The following PNP variants were observed in gnomAD, a reference collection of about 807,000 sequenced individuals.
PNP encodes purine nucleoside phosphorylase.
PNP carries 18 observed loss-of-function variants against 26.8 expected under a neutral mutation model. The observed-to-expected ratio is 0.67, with a 90% CI of 0.46 to 1.00. The LOEUF (loss-of-function observed/expected upper bound fraction) is 1.00, where lower values mean the gene tolerates loss of function less well. Among genes scored for constraint, PNP ranks in the 50% least tolerant of loss-of-function variants. PNP has a pLI of 0.00. For missense variants in PNP, 320 were observed against 362.9 expected, an observed-to-expected ratio of 0.88 and a Z score of 0.96; for synonymous variants, 116 against 124.8, an observed-to-expected ratio of 0.93 and a Z score of 0.47.
Position 20,472,367 on chromosome 14 carries a change from G to T in PNP, c.71G>T (p.Arg24Leu), listed in dbSNP as rs950321385. The change falls in exon 2 of 6, where the codon CGA (arginine) becomes CTA (leucine). Residue 24 changes from arginine to leucine, a missense_variant. By Grantham distance (102) the Arg-to-Leu change is moderately radical. Coordinates refer to ENST00000361505, the MANE Select transcript of PNP (RefSeq NM_000270.4). ...AEWLLSHTKH[R>L]PQVAIICGSG... ...TGGCTTCTGTCTCACACTAAGCACC[G>T]ACCTCAAGTTGCAATAATCTGTGGT... is the stretch of plus-strand genomic sequence containing the variant. The T allele has an allele frequency of 1.2e-6, 2 of 1,613,680 alleles. No homozygotes were observed. The highest frequency in any genetic ancestry group is 1.7e-5 in the Admixed American group (1 of 60,018).
Position 20,474,953 on chromosome 14 carries a change from G to C in PNP, c.461+5G>C. 6.2e-7 allele frequency: 1 copy of C among 1,614,122 alleles called. No individual in the cohort carries two copies. Among genetic ancestry groups the C allele is most frequent in the Non-Finnish European group, 8.5e-7 (1 of 1,180,004 alleles). On this transcript the variant is annotated splice_donor_5th_base_variant and intron_variant, in intron 4 of 5. Coordinates refer to ENST00000361505, the MANE Select transcript of PNP (RefSeq NM_000270.4). Reference sequence around the variant, plus strand: ...CAGAGGGCCCAATGATGAAAGGTATGTATGTTACTCCGTTTTTTTTAGGTG... The same window carrying C: ...CAGAGGGCCCAATGATGAAAGGTATCTATGTTACTCCGTTTTTTTTAGGTG...
rs1280917149 is a variant in PNP, at chr14:20,476,631, C to A, written c.*30C>A. The A allele has an allele frequency of 1.9e-6, 3 of 1,573,076 alleles. No individual in the cohort carries two copies. Among genetic ancestry groups the A allele is most frequent in the Admixed American group, 1.7e-5 (1 of 59,904 alleles). Reference sequence around the variant, plus strand: ...CCTTGGAGTCGTCTGGCATCTCCCACACAAGACCCAAGTAGCTGCTACCTT... The same window carrying A: ...CCTTGGAGTCGTCTGGCATCTCCCAAACAAGACCCAAGTAGCTGCTACCTT... On this transcript the variant is annotated 3_prime_UTR_variant, in exon 6 of 6. Coordinates refer to ENST00000361505, the MANE Select transcript of PNP (RefSeq NM_000270.4).
At chr14:20,476,261 T>C in intron 5 of PNP, 123 bp from the exon 6 acceptor site, 1 of 831,150 alleles carries the variant, frequency 1.2e-6, no homozygotes, top group Admixed American at 1.9e-5. Flanking sequence ...TGTGAACCAC[T>C]GCACCCGGCC....
In PNP at chr14:20,476,565, T is replaced by C. The variant is rs1462626535; in HGVS notation, c.834T>C (p.Leu278=). ...AATTGGAACAGTTTGTCTCCATTCTTATGGCCAGCATTCCACTCCCTGACA... is the reference window on the plus strand; with the variant it reads ...AATTGGAACAGTTTGTCTCCATTCTCATGGCCAGCATTCCACTCCCTGACA... ...AQKLEQFVSI[L]MASIPLPDKA... The change falls in exon 6 of 6, where the codon CTT becomes CTC. Residue 278 remains leucine, a synonymous_variant. Coordinates refer to ENST00000361505, the MANE Select transcript of PNP (RefSeq NM_000270.4). The C allele has an allele frequency of 8.7e-6, 14 of 1,614,082 alleles. No individual in the cohort carries two copies. The highest frequency in any genetic ancestry group is 1.3e-5 in the African/African-American group (1 of 74,914).
At chr14:20,474,010 C>G in intron 2 of PNP, 2 of 213,252 alleles carry the variant, frequency 9.4e-6, no homozygotes, top group South Asian at 6.9e-5. Context: ...TCTCATCCCT[C>G]ATCCCCATCC....
chr14:20,474,802 T>G lies in PNP; in HGVS notation c.315T>G (p.Leu105=). The G allele has an allele frequency of 1.2e-6, 2 of 1,614,234 alleles. No homozygotes were observed. Among genetic ancestry groups the G allele is most frequent in the Non-Finnish European group, 1.7e-6 (2 of 1,180,032 alleles). Reference sequence around the variant, plus strand: ...CATTCCCAGTGAGGGTTTTCCACCTTCTGGGTGTGGACACCCTGGTAGTCA... The same window carrying G: ...CATTCCCAGTGAGGGTTTTCCACCTGCTGGGTGTGGACACCCTGGTAGTCA... The part of the protein sequence containing the change: ...KVTFPVRVFH[L]LGVDTLVVTN... Residue 105 remains leucine (L), a synonymous_variant, in exon 4 of 6, where the codon CTT becomes CTG. Transcript: ENST00000361505.
In PNP at chr14:20,472,467, C is replaced by T. The variant is rs1130650; in HGVS notation, c.171C>T (p.Pro57=). ...IFDYGEIPNF[P]RSTVPGHAGR... is the part of the protein sequence containing the mutation. ...ACTACGGTGAAATCCCCAACTTTCC[C>T]CGAAGTACAGGTACTGGCAAGGGAA... The change falls in exon 2 of 6, where the codon CCC becomes CCT. Residue 57 remains proline (P), a synonymous_variant. Transcript: ENST00000361505. The T allele has an allele frequency of 0.19, 298,120 of 1,609,224 alleles. 28,595 individuals are homozygous for T. The highest frequency in any genetic ancestry group is 0.25 in the African/African-American group (18,989 of 74,836).
chr14:20,471,998 G>A (rs1236528246), intron 1 of PNP, among the ~76,000 whole-genome samples: 2 of 152,172 alleles, frequency 1.3e-5, no homozygotes, highest in Admixed American at 1.3e-4. Context: ...TTGTCATAAG[G>A]ATAAGTATGC....
At chr14:20,472,266 G>T in intron 1 of PNP, 42 bp from the exon 2 acceptor site, 1 of 1,570,556 alleles carries the variant, frequency 6.4e-7, no homozygotes, top group Non-Finnish European at 8.8e-7. Context: ...TGATGCCCTT[G>T]GAATGGGAGC....
chr14:20,474,857 T>G lies in PNP; in HGVS notation c.370T>G (p.Phe124Val). 6.2e-7 allele frequency: 1 copy of G among 1,613,936 alleles called. No homozygotes were observed. Among genetic ancestry groups the G allele is most frequent in the Non-Finnish European group, 8.5e-7 (1 of 1,179,890 alleles). Residue 124 changes from phenylalanine to valine, a missense_variant, in exon 4 of 6, where the codon TTT (phenylalanine) becomes GTT (valine). Transcript: ENST00000361505. ...TNAAGGLNPK[F>V]EVGDIMLIRD... ...TGCAGCAGGAGGGCTGAACCCCAAGTTTGAGGTTGGAGATATCATGCTGAT... is the reference window on the plus strand; with the variant it reads ...TGCAGCAGGAGGGCTGAACCCCAAGGTTGAGGTTGGAGATATCATGCTGAT...
chr14:20,474,235 C>T (rs1207802219), intron 2 of PNP: 1 of 479,324 alleles, frequency 2.1e-6, no homozygotes, highest in Admixed American at 3.4e-5. Context: ...TGTGTTCATG[C>T]TGAACATGCT....
chr14:20,469,510 G>A lies in PNP; in HGVS notation c.-15G>A. ...CACACCGGAGCAGGCTCATCGAGAA[G>A]GCGTCTGCGAGACCATGGAGAACGG... is the stretch of plus-strand genomic sequence containing the variant. On this transcript the variant is annotated 5_prime_UTR_variant, in exon 1 of 6. Coordinates refer to ENST00000361505, the MANE Select transcript of PNP (RefSeq NM_000270.4). The A allele has an allele frequency of 6.4e-7, 1 of 1,551,876 alleles. No homozygotes were observed. Among genetic ancestry groups the A allele is most frequent in the Non-Finnish European group, 8.7e-7 (1 of 1,147,962 alleles).
rs1028668713 is a variant in PNP, at chr14:20,476,898, A to C, written c.*297A>C. On this transcript the variant is annotated 3_prime_UTR_variant, in exon 6 of 6. Coordinates refer to ENST00000361505, the MANE Select transcript of PNP (RefSeq NM_000270.4). ...CCCGTGCCCTACCACACATCTGTGG[A>C]GATGCCCAGGATTTGACTCGGGCCT... 2.1e-5 allele frequency: 9 copies of C among 430,594 alleles called. No homozygotes were observed. The highest frequency in any genetic ancestry group is 3.5e-5 in the Non-Finnish European group (8 of 230,490). The allele number at this position is 430,594 out of a possible 1,614,324, so 26.7% of individuals were successfully genotyped here.
At chr14:20,470,156 C>T (rs769878040) in intron 1 of PNP, among the ~76,000 whole-genome samples, 5 of 152,196 alleles carry the variant, frequency 3.3e-5, no homozygotes, top group African/African-American at 9.7e-5. Flanking sequence ...TTTGAAAACT[C>T]TTCTCTCGGC....
intron 2 of PNP, 52 bp downstream of exon 2, chr14:20,472,529 T>A: frequency 6.5e-7 from 1 of 1,549,064 alleles, no homozygotes; most frequent in Non-Finnish European, 8.9e-7. Flanking sequence ...CTTGGAATTC[T>A]GTGGAACACA....
rs754372237 is a variant in PNP at position 20,469,550 on chromosome 14, A to G, written c.11+15A>G. The G allele has an allele frequency of 4.5e-6, 7 of 1,554,684 alleles. No individual in the cohort carries two copies. The East Asian group carries it at 1.7e-4, about 38-fold the overall frequency. On this transcript the variant is annotated intron_variant, in intron 1 of 5. Coordinates refer to ENST00000361505, the MANE Select transcript of PNP (RefSeq NM_000270.4). Reference sequence around the variant, plus strand: ...ATGGAGAACGGGTGAGGAGGGCACCAGGCCCGCAGGACCCTTGGGGAGGGG... The same window carrying G: ...ATGGAGAACGGGTGAGGAGGGCACCGGGCCCGCAGGACCCTTGGGGAGGGG...
At position 20,475,168 on chromosome 14, in the gene PNP, G is replaced by A. The variant is rs759788618; in HGVS notation, c.568G>A (p.Gly190Ser). 10 of 1,614,206 alleles carry A rather than the reference G, an allele frequency of 6.2e-6. No homozygotes were observed. The highest frequency in any genetic ancestry group is 8.5e-6 in the Non-Finnish European group (10 of 1,180,048). The change falls in exon 5 of 6, where the codon GGC (glycine) becomes AGC (serine). Residue 190 changes from glycine (G) to serine (S), a missense_variant. Physicochemically the swap from Gly to Ser is moderately conservative, Grantham distance 56. Transcript: ENST00000361505. ...GGGGGAGCAACGTGAGCTACAGGAA[G>A]GCACCTATGTGATGGTGGCAGGCCC... Reference protein sequence around the residue: ...QMGEQRELQEGTYVMVAGPSF... With the variant: ...QMGEQRELQESTYVMVAGPSF...
At position 20,476,524 on chromosome 14, in the gene PNP, A is replaced by G; in HGVS notation, c.793A>G (p.Lys265Glu). Residue 265 changes from lysine (K) to glutamate (E), a missense_variant, in exon 6 of 6, where the codon AAA (lysine) becomes GAA (glutamate). Lys to Glu is a moderately conservative substitution (Grantham distance 56). Coordinates refer to ENST00000361505, the MANE Select transcript of PNP (RefSeq NM_000270.4). ...ANHEEVLAAG[K>E]QAAQKLEQFV... ...CCATGAAGAAGTCTTAGCAGCTGGC[A>G]AACAAGCTGCACAGAAATTGGAACA... 6.2e-7 allele frequency: 1 copy of G among 1,614,214 alleles called. No homozygotes were observed. The highest frequency in any genetic ancestry group is 1.6e-4 in the Middle Eastern group (1 of 6,062).
chr14:20,469,886 G>A (rs1881950115), intron 1 of PNP: 2 of 480,184 alleles, frequency 4.2e-6, no homozygotes, highest in Admixed American at 3.4e-5. Flanking sequence ...CTCCATACCA[G>A]GAGGAGGTCT....
Sources: allele counts gnomAD v4.1 joint callset (sites outside exome capture counted in the v4.1 genomes callset), GRCh38; gene constraint gnomAD v4.1.1; transcripts MANE v1.5; gene names NCBI Gene and HGNC (gene_info 2026-07-23, HGNC 2026-07-21).